Variants in TACR1 observed in about 807,000 individuals in gnomAD.
TACR1 encodes the protein substance-P receptor.
In TACR1, 25 loss-of-function variants were observed where a neutral mutation model predicts 35.8. The ratio of observed to expected loss-of-function variants is 0.70; its 90% CI spans 0.51 to 0.98. The LOEUF is 0.98. TACR1 is among the 50% of genes least tolerant of loss of function. The probability of loss-of-function intolerance (pLI) is 0.00; values close to 1 mark genes in which losing one functional copy is unlikely to be tolerated. For synonymous variants in TACR1, 195 were observed against 206.7 expected (o/e 0.94, Z 0.48); for missense variants, 478 against 522.9 (o/e 0.91, Z 0.84).
chr2:75,049,078 G>A lies in TACR1; in HGVS notation c.*354C>T, dbSNP rs955860300. 4.8e-5 allele frequency: 10 copies of A among 209,184 alleles called. No individual in the cohort carries two copies. Among genetic ancestry groups the A allele is most frequent in the Admixed American group, 1.1e-4 (2 of 18,524 alleles). 13.0% of individuals were successfully genotyped at this position (209,184 alleles called of 1,614,324 possible). A position where few individuals can be genotyped will look rare whatever the true frequency, so the allele number is the denominator to read the frequency against. On this transcript the variant is annotated 3_prime_UTR_variant, in exon 5 of 5. Transcript: ENST00000305249. ...GGGGCTCCAGGAAAATGAGTCTTCCGGGTCCGCAGCTGTGCTGCAGAATTC... is the reference window on the plus strand; with the variant it reads ...GGGGCTCCAGGAAAATGAGTCTTCCAGGTCCGCAGCTGTGCTGCAGAATTC...
chr2:75,194,970 C>T (rs1335389671), intron 1 of TACR1, among the ~76,000 whole-genome samples: 1 of 152,102 alleles, frequency 6.6e-6, no homozygotes, highest in African/African-American at 2.4e-5. Context: ...TTAGGTTCTG[C>T]TCCACAGTAC....
chr2:75,071,201 C>T (rs1672871732), intron 2 of TACR1, among the ~76,000 whole-genome samples: 1 of 152,136 alleles, frequency 6.6e-6, no homozygotes, highest in Non-Finnish European at 1.5e-5. Flanking sequence ...TTGATCCCTG[C>T]TGTAAGGGAA....
chr2:75,079,285 T>C (rs1673035196), intron 2 of TACR1, among the ~76,000 whole-genome samples: 1 of 152,204 alleles, frequency 6.6e-6, no homozygotes, highest in African/African-American at 2.4e-5. Context: ...GTAGGGTTGC[T>C]ATCATTTTGA....
intron 2 of TACR1, among the ~76,000 whole-genome samples, chr2:75,055,126 A>G (rs1275376554): frequency 6.6e-6 from 1 of 152,142 alleles, no homozygotes; most frequent in East Asian, 1.9e-4. Flanking sequence ...TTTACCATTC[A>G]TGATTATTTT....
At chr2:75,167,479 T>A (rs532758504) in intron 1 of TACR1, among the ~76,000 whole-genome samples, 3 of 152,152 alleles carry the variant, frequency 2.0e-5, no homozygotes, top group Non-Finnish European at 4.4e-5. Context: ...TGTAATAAAA[T>A]GCCTAGAAAC....
chr2:75,094,859 A>ATATATATATATATATTTTTT, intron 2 of TACR1, among the ~76,000 whole-genome samples: 3 of 113,106 alleles, frequency 2.7e-5, no homozygotes, highest in African/African-American at 9.6e-5. Flanking sequence ...ATATATATAT[A>ATATATATATATATATTTTTT]TTTTTTTTTT....
chr2:75,076,238 C>G (rs936229107), intron 2 of TACR1, among the ~76,000 whole-genome samples: 2 of 152,218 alleles, frequency 1.3e-5, no homozygotes, highest in Non-Finnish European at 2.9e-5. Context: ...AAAGCCTTGT[C>G]ACATGATGGA....
At chr2:75,095,432 C>T (rs545617145) in intron 2 of TACR1, among the ~76,000 whole-genome samples, 1 of 152,244 alleles carries the variant, frequency 6.6e-6, no homozygotes, top group Non-Finnish European at 1.5e-5. Flanking sequence ...TGGACAACCT[C>T]ACAGAAGAGG....
chr2:75,130,267 T>G (rs1459903214), intron 1 of TACR1, among the ~76,000 whole-genome samples: 1 of 152,114 alleles, frequency 6.6e-6, no homozygotes, highest in Non-Finnish European at 1.5e-5. Context: ...ACTAATCAAA[T>G]GAAGTGTACT....
intron 1 of TACR1, among the ~76,000 whole-genome samples, chr2:75,146,218 G>T (rs1414531559): frequency 6.6e-6 from 1 of 152,142 alleles, no homozygotes; most frequent in Admixed American, 6.5e-5. Flanking sequence ...CACGTCCCAG[G>T]TTCAAGCAAT....
intron 4 of TACR1, 61 bp downstream of exon 4, chr2:75,051,190 G>A: frequency 1.9e-6 from 3 of 1,609,286 alleles, no homozygotes; most frequent in South Asian, 2.2e-5. Flanking sequence ...TGGCCGCTTG[G>A]CCACTGTGTA....
chr2:75,148,604 G>T (rs961698833), intron 1 of TACR1, among the ~76,000 whole-genome samples: 2 of 151,660 alleles, frequency 1.3e-5, no homozygotes, highest in Non-Finnish European at 2.9e-5. Context: ...TAAGTTCCTT[G>T]TAAATTCTGG....
chr2:75,074,799 T>A (rs1459363628), intron 2 of TACR1, among the ~76,000 whole-genome samples: 1 of 152,122 alleles, frequency 6.6e-6, no homozygotes, highest in Non-Finnish European at 1.5e-5. Flanking sequence ...TTAGGCTCTG[T>A]GCATGGAATA....
At chr2:75,178,971 G>A (rs902451634) in intron 1 of TACR1, among the ~76,000 whole-genome samples, 3 of 152,104 alleles carry the variant, frequency 2.0e-5, no homozygotes, top group Non-Finnish European at 4.4e-5. Flanking sequence ...TATGGTTTTA[G>A]TTATATGTCA....
intron 2 of TACR1, among the ~76,000 whole-genome samples, chr2:75,091,535 A>G (rs1673313066): frequency 6.6e-6 from 1 of 152,182 alleles, no homozygotes; most frequent in Non-Finnish European, 1.5e-5. Context: ...GAGAAAAACT[A>G]ACGTTCATAA....
At chr2:75,113,418 T>G (rs1226906512) in intron 2 of TACR1, among the ~76,000 whole-genome samples, 2 of 152,132 alleles carry the variant, frequency 1.3e-5, no homozygotes, top group African/African-American at 4.8e-5. Flanking sequence ...GGCTGCCTCC[T>G]GTTTGGCGCT....
chr2:75,125,340 T>G (rs968749151), intron 1 of TACR1, among the ~76,000 whole-genome samples: 1 of 152,006 alleles, frequency 6.6e-6, no homozygotes, highest in African/African-American at 2.4e-5. Flanking sequence ...CCTGCCACCA[T>G]GCCTAGCTAA....
intron 1 of TACR1, among the ~76,000 whole-genome samples, chr2:75,196,962 T>G (rs943679112): frequency 2.6e-5 from 4 of 152,238 alleles, no homozygotes; most frequent in African/African-American, 4.8e-5. Context: ...ATCGACTTTT[T>G]TAAGTTTAAG....
Position 75,094,855 on chromosome 2 carries a change from A to ATTTTTT in TACR1, c.584+25718_584+25719insAAAAAA, listed in dbSNP as rs1351976784. On this transcript the variant is annotated intron_variant, in intron 2 of 4. Coordinates refer to ENST00000305249, the MANE Select transcript of TACR1 (RefSeq NM_001058.4). ...AGCAGAAACATATATATATATATAT[A>ATTTTTT]TATATTTTTTTTTTTTTTGCCCAAG... 2.9e-3 allele frequency among the ~76,000 whole-genome samples: 254 copies of ATTTTTT among 87,880 alleles called. 3 individuals are homozygous for ATTTTTT. Among genetic ancestry groups the ATTTTTT allele is most frequent in the African/African-American group, 0.014 (233 of 16,934 alleles). The allele number at this position is 87,880 out of a possible 152,430, so 57.7% of individuals were successfully genotyped here.
Sources: gnomAD v4.1 joint callset for allele counts (sites outside exome capture counted in the v4.1 genomes callset) on GRCh38, gnomAD v4.1.1 for gene constraint, MANE v1.5 for transcripts, NCBI Gene and HGNC (gene_info 2026-07-23, HGNC 2026-07-21) for gene names.